The following RNF182 variants were observed in gnomAD, a reference collection of about 807,000 sequenced individuals.
RNF182 encodes E3 ubiquitin-protein ligase RNF182.
A neutral mutation model predicts 14.4 loss-of-function variants in RNF182; 15 were observed. That is an observed-to-expected ratio of 1.04 (90% CI 0.70 to 1.60). The LOEUF is 1.60. Ranked by LOEUF, RNF182 falls within the 40% of genes most tolerant of loss-of-function variation. The probability of loss-of-function intolerance (pLI) is 0.00; values close to 1 mark genes in which losing one functional copy is unlikely to be tolerated. For missense variants in RNF182, 268 were observed against 294.8 expected (o/e 0.91, Z 0.67); for synonymous variants, 128 against 122.9 (o/e 1.04, Z -0.27).
At chr6:13,929,701 CA>C (rs1044425369) in intron 1 of RNF182, among the ~76,000 whole-genome samples, 3 of 152,162 alleles carry the variant, frequency 2.0e-5, no homozygotes, top group Non-Finnish European at 4.4e-5. Flanking sequence ...CTAATATGAT[CA>C]CTTTCTGTTA....
At chr6:13,938,064 A>T (rs1222640838) in intron 1 of RNF182, among the ~76,000 whole-genome samples, 2 of 126,296 alleles carry the variant, frequency 1.6e-5, no homozygotes, top group African/African-American at 3.0e-5. Context: ...GCTGGAGTGC[A>T]GTCTCCGCTC....
chr6:13,931,453 G>A (rs1046147360), intron 1 of RNF182, among the ~76,000 whole-genome samples: 6 of 152,140 alleles, frequency 3.9e-5, no homozygotes, highest in African/African-American at 1.4e-4. Context: ...TATCAGGGAT[G>A]AAGTTAGAAG....
intron 2 of RNF182, among the ~76,000 whole-genome samples, chr6:13,975,673 G>GC (rs1760305632): frequency 6.6e-6 from 1 of 152,170 alleles, no homozygotes; most frequent in African/African-American, 2.4e-5. Context: ...TCCAGATTCA[G>GC]CTACCCACTG....
chr6:13,958,056 T>A (rs1759771592), intron 1 of RNF182, among the ~76,000 whole-genome samples: 1 of 152,134 alleles, frequency 6.6e-6, no homozygotes, highest in Non-Finnish European at 1.5e-5. Context: ...AAGTCTTTTA[T>A]GTTTTTTTTA....
intron 1 of RNF182, among the ~76,000 whole-genome samples, chr6:13,938,191 T>C (rs1363694786): frequency 6.8e-6 from 1 of 146,316 alleles, no homozygotes; most frequent in African/African-American, 2.5e-5. Context: ...TTTTTTTTTT[T>C]TTTTTTTAGT....
intron 1 of RNF182, among the ~76,000 whole-genome samples, chr6:13,926,879 C>T (rs1758844688): frequency 6.6e-6 from 1 of 151,802 alleles, no homozygotes; most frequent in African/African-American, 2.4e-5. Context: ...GGACTTGGTC[C>T]GTGCTTTCTG....
Position 13,976,970 on chromosome 6 carries a change from T to A in RNF182, c.-150T>A. ...CAGAGTTATATGCAGAAGTTGAAAA[T>A]GCCTGGAAGATTTCTGGTTTCTTTC... On this transcript the variant is annotated 5_prime_UTR_variant, in exon 3 of 3. An upstream start codon of the reference 5' UTR is lost. Transcript: ENST00000488300. 2 of 800,348 alleles carry A rather than the reference T, an allele frequency of 2.5e-6. No individual in the cohort carries two copies. Among genetic ancestry groups the A allele is most frequent in the Non-Finnish European group, 4.0e-6 (2 of 495,954 alleles). 49.6% of individuals were successfully genotyped at this position (800,348 alleles called of 1,614,324 possible). A position where few individuals can be genotyped will look rare whatever the true frequency, so the allele number is the denominator to read the frequency against.
intron 1 of RNF182, among the ~76,000 whole-genome samples, chr6:13,960,697 G>GCGCGCACA (rs140903588): frequency 1.3e-5 from 2 of 149,838 alleles, no homozygotes; most frequent in Non-Finnish European, 3.0e-5. Flanking sequence ...GTGTGTGCGC[G>GCGCGCACA]CGTGCACATG....
intron 1 of RNF182, among the ~76,000 whole-genome samples, chr6:13,933,965 C>T (rs1382584371): frequency 6.6e-6 from 1 of 152,026 alleles, no homozygotes; most frequent in Non-Finnish European, 1.5e-5. Flanking sequence ...TTGCAGTGAG[C>T]CAAGATTGCA....
At chr6:13,949,269 C>A (rs1759521354) in intron 1 of RNF182, 2 of 780,822 alleles carry the variant, frequency 2.6e-6, no homozygotes, top group African/African-American at 3.4e-5. Context: ...TCCTCTGCTC[C>A]CAGACTTACC....
intron 1 of RNF182, among the ~76,000 whole-genome samples, chr6:13,967,747 A>T (rs1585046084): frequency 6.6e-6 from 1 of 152,084 alleles, no homozygotes; most frequent in Non-Finnish European, 1.5e-5. Context: ...TTTTTTTTTA[A>T]AAAATAGAGA....
chr6:13,928,339 A>G (rs1227250996), intron 1 of RNF182, among the ~76,000 whole-genome samples: 1 of 152,188 alleles, frequency 6.6e-6, no homozygotes, highest in Non-Finnish European at 1.5e-5. Flanking sequence ...GCTTCCTTCT[A>G]TATATTCTAT....
At chr6:13,970,047 T>A (rs1760136249) in intron 1 of RNF182, among the ~76,000 whole-genome samples, 1 of 152,186 alleles carries the variant, frequency 6.6e-6, no homozygotes, top group South Asian at 2.1e-4. Context: ...ATAATTTACA[T>A]ATTTATGGGG....
intron 1 of RNF182, among the ~76,000 whole-genome samples, chr6:13,944,835 T>C (rs1020505873): frequency 6.6e-6 from 1 of 152,156 alleles, no homozygotes; most frequent in Non-Finnish European, 1.5e-5. Flanking sequence ...CCAACCCAGA[T>C]GTTTTTGACT....
chr6:13,965,117 A>G (rs1759987972), intron 1 of RNF182, among the ~76,000 whole-genome samples: 1 of 152,220 alleles, frequency 6.6e-6, no homozygotes, highest in South Asian at 2.1e-4. Flanking sequence ...ACCTGACAAA[A>G]AATAGAAAGA....
intron 1 of RNF182, among the ~76,000 whole-genome samples, chr6:13,971,579 G>A (rs917823749): frequency 6.6e-6 from 1 of 152,202 alleles, no homozygotes; most frequent in African/African-American, 2.4e-5. Context: ...GGAACAGTTT[G>A]AAAGGCTCAG....
At chr6:13,973,933 C>G (rs1450513525) in intron 1 of RNF182, among the ~76,000 whole-genome samples, 1 of 152,132 alleles carries the variant, frequency 6.6e-6, no homozygotes, top group Non-Finnish European at 1.5e-5. Flanking sequence ...TCTTTTGGAC[C>G]TGGCTTTCAC....
intron 1 of RNF182, among the ~76,000 whole-genome samples, chr6:13,947,283 C>T (rs1245933553): frequency 6.6e-6 from 1 of 152,168 alleles, no homozygotes; most frequent in Non-Finnish European, 1.5e-5. Context: ...ATGGATGAGA[C>T]TAGAGTCTGG....
intron 1 of RNF182, among the ~76,000 whole-genome samples, chr6:13,972,256 G>C (rs1760208408): frequency 6.7e-6 from 1 of 149,098 alleles, no homozygotes; most frequent in African/African-American, 2.5e-5. Flanking sequence ...AGTGAGCTGA[G>C]ATTGTGCCAC....
Sources: gnomAD v4.1 joint callset for allele counts (sites outside exome capture counted in the v4.1 genomes callset) on GRCh38, gnomAD v4.1.1 for gene constraint, MANE v1.5 for transcripts, NCBI Gene and HGNC (gene_info 2026-07-23, HGNC 2026-07-21) for gene names.